The following EXOC4 variants were observed in gnomAD, a reference collection of about 807,000 sequenced individuals.
The protein encoded by EXOC4 is exocyst complex component 4.
EXOC4 carries 71 observed loss-of-function variants against 107.2 expected under a neutral mutation model. That is an observed-to-expected ratio of 0.66 (90% CI 0.55 to 0.81). The LOEUF (loss-of-function observed/expected upper bound fraction) is 0.81. EXOC4 is among the 30% of genes least tolerant of loss of function. EXOC4 has a pLI of 0.00. For missense variants in EXOC4, 1,108 were observed against 1,189.6 expected (o/e 0.93, Z 1.01); for synonymous variants, 456 against 441.2 (o/e 1.03, Z -0.42).
chr7:133,701,012 T>A (rs1794645137), intron 10 of EXOC4, among the ~76,000 whole-genome samples: 1 of 152,036 alleles, frequency 6.6e-6, no homozygotes, highest in Non-Finnish European at 1.5e-5. Context: ...TCTTACCTGG[T>A]GTAATAAATA....
intron 10 of EXOC4, among the ~76,000 whole-genome samples, chr7:133,680,391 G>A (rs1366575459): frequency 1.3e-5 from 2 of 152,100 alleles, no homozygotes; most frequent in African/African-American, 2.4e-5. Flanking sequence ...TACTGAAATA[G>A]GCAGCCAGCA....
intron 17 of EXOC4, among the ~76,000 whole-genome samples, chr7:134,047,439 G>T (rs773970555): frequency 1.3e-5 from 2 of 152,124 alleles, no homozygotes; most frequent in Non-Finnish European, 2.9e-5. Context: ...TACAATGCCT[G>T]ATTTTCTCTG....
chr7:133,696,922 C>A (rs1562912285), intron 10 of EXOC4, among the ~76,000 whole-genome samples: 2 of 152,180 alleles, frequency 1.3e-5, no homozygotes, highest in Non-Finnish European at 2.9e-5. Context: ...ATTAGTCAAT[C>A]ATGTGCAATA....
At chr7:133,289,436 A>C (rs1794355675) in intron 3 of EXOC4, among the ~76,000 whole-genome samples, 1 of 152,256 alleles carries the variant, frequency 6.6e-6, no homozygotes, top group Non-Finnish European at 1.5e-5. Context: ...CATTTTAAAC[A>C]ATGAAATCTA....
At chr7:133,801,129 T>A (rs1426353666) in intron 10 of EXOC4, among the ~76,000 whole-genome samples, 1 of 152,188 alleles carries the variant, frequency 6.6e-6, no homozygotes, top group Non-Finnish European at 1.5e-5. Context: ...AGGTGCCTAT[T>A]ACAGGATAAT....
At chr7:133,441,016 C>T (rs1798092362) in intron 7 of EXOC4, among the ~76,000 whole-genome samples, 1 of 152,146 alleles carries the variant, frequency 6.6e-6, no homozygotes, top group Non-Finnish European at 1.5e-5. Flanking sequence ...ATCAGGACCC[C>T]TTTCTGGTAA....
chr7:133,753,012 T>C (rs931023217), intron 10 of EXOC4, among the ~76,000 whole-genome samples: 1 of 152,214 alleles, frequency 6.6e-6, no homozygotes, highest in African/African-American at 2.4e-5. Flanking sequence ...TTCCTTTCTC[T>C]GTTATTTGAT....
At chr7:133,444,915 CTT>C (rs1798184426) in intron 7 of EXOC4, among the ~76,000 whole-genome samples, 1 of 152,166 alleles carries the variant, frequency 6.6e-6, no homozygotes, top group African/African-American at 2.4e-5. Flanking sequence ...CGTTTTCACA[CTT>C]TTTTGGAGCT....
In EXOC4 at chr7:133,644,317, G is replaced by A. The variant is rs34490851; in HGVS notation, c.1514+14176G>A. 6.0e-3 allele frequency among the ~76,000 whole-genome samples: 919 copies of A among 152,242 alleles called. 3 individuals carry two copies. The highest frequency in any genetic ancestry group is 0.01 in the Middle Eastern group (3 of 294). On this transcript the variant is annotated intron_variant, in intron 10 of 17. Coordinates refer to ENST00000253861, the MANE Select transcript of EXOC4 (RefSeq NM_021807.4). ...ATTACGGTAGCTATGCCTACTTTGC[G>A]TTTGATGGTTGAGTGCCATCACTTG...
At chr7:133,612,374 C>G (rs1177223771) in intron 9 of EXOC4, among the ~76,000 whole-genome samples, 1 of 152,126 alleles carries the variant, frequency 6.6e-6, no homozygotes. Context: ...TTGGATTTTA[C>G]TCTCTTTATA....
chr7:133,710,484 C>T (rs982651016), intron 10 of EXOC4, among the ~76,000 whole-genome samples: 1 of 151,492 alleles, frequency 6.6e-6, no homozygotes, highest in African/African-American at 2.4e-5. Flanking sequence ...AACAGTGAAA[C>T]CCCGTCTCTA....
At chr7:134,006,946 TA>T (rs1306395598) in intron 16 of EXOC4, among the ~76,000 whole-genome samples, 1 of 152,130 alleles carries the variant, frequency 6.6e-6, no homozygotes, top group Non-Finnish European at 1.5e-5. Flanking sequence ...TTGCAGACCA[TA>T]AGACAACCCT....
chr7:133,441,832 G>T (rs895910272), intron 7 of EXOC4, among the ~76,000 whole-genome samples: 11 of 152,054 alleles, frequency 7.2e-5, no homozygotes, highest in Admixed American at 1.3e-4. Context: ...TTTGTGTGTG[G>T]GGGGTGTGTG....
At chr7:133,256,256 C>T (rs1039808398) in intron 1 of EXOC4, among the ~76,000 whole-genome samples, 6 of 152,242 alleles carry the variant, frequency 3.9e-5, no homozygotes, top group Middle Eastern at 3.2e-3. Context: ...GCTGGGATTA[C>T]AGGCGTGAGC....
chr7:133,810,865 C>T (rs1797210214), intron 10 of EXOC4, among the ~76,000 whole-genome samples: 1 of 152,010 alleles, frequency 6.6e-6, no homozygotes, highest in Non-Finnish European at 1.5e-5. Context: ...GATCTCCTGA[C>T]CTCGTGATCT....
At chr7:133,617,959 T>C (rs2151003027) in intron 9 of EXOC4, among the ~76,000 whole-genome samples, 1 of 152,076 alleles carries the variant, frequency 6.6e-6, no homozygotes, top group African/African-American at 2.4e-5. Context: ...TAGATAAAGA[T>C]CTAAGGAATA....
intron 8 of EXOC4, among the ~76,000 whole-genome samples, chr7:133,478,504 A>G (rs1358128800): frequency 6.6e-6 from 1 of 152,180 alleles, no homozygotes; most frequent in Non-Finnish European, 1.5e-5. Flanking sequence ...ATCTCTGGAT[A>G]TAAACTAAGG....
intron 14 of EXOC4, among the ~76,000 whole-genome samples, chr7:133,969,514 G>A (rs955043321): frequency 6.6e-6 from 1 of 152,164 alleles, no homozygotes; most frequent in Non-Finnish European, 1.5e-5. Flanking sequence ...TGACCTTCTG[G>A]TGGGGTTTCT....
chr7:133,873,027 C>G (rs772104721), intron 11 of EXOC4, among the ~76,000 whole-genome samples: 4 of 152,196 alleles, frequency 2.6e-5, no homozygotes, highest in South Asian at 2.1e-4. Context: ...AGCAAAAGCT[C>G]AGTTGGGCAC....
Sources: gnomAD v4.1 joint callset for allele counts (sites outside exome capture counted in the v4.1 genomes callset) on GRCh38, gnomAD v4.1.1 for gene constraint, MANE v1.5 for transcripts, NCBI Gene and HGNC (gene_info 2026-07-23, HGNC 2026-07-21) for gene names.